ZBTB7C: variants seen among roughly 807,000 people sequenced by gnomAD.
ZBTB7C encodes zinc finger and BTB domain-containing protein 7C.
In ZBTB7C, 8 loss-of-function variants were observed where a neutral mutation model predicts 25.7. The observed-to-expected ratio is 0.31, with a 90% CI of 0.18 to 0.56. The LOEUF is 0.56. ZBTB7C is among the 20% of genes least tolerant of loss of function. ZBTB7C has a pLI of 0.91. For missense variants in ZBTB7C, 824 were observed against 855.2 expected (o/e 0.96, Z 0.46); for synonymous variants, 394 against 369.0 (o/e 1.07, Z -0.78).
intron 2 of ZBTB7C, among the ~76,000 whole-genome samples, chr18:48,283,403 C>T (rs2044933848): frequency 6.6e-6 from 1 of 152,130 alleles, no homozygotes; most frequent in African/African-American, 2.4e-5. Context: ...ATAGACATCA[C>T]TTTTACTATG....
intron 1 of ZBTB7C, among the ~76,000 whole-genome samples, chr18:48,351,798 TC>T (rs1259429028): frequency 6.6e-6 from 1 of 152,140 alleles, no homozygotes; most frequent in African/African-American, 2.4e-5. Flanking sequence ...GAGTGCTCGT[TC>T]CCTCACCAAC....
chr18:48,388,851 G>C (rs1357089795), intron 1 of ZBTB7C, among the ~76,000 whole-genome samples: 1 of 152,228 alleles, frequency 6.6e-6, no homozygotes, highest in Non-Finnish European at 1.5e-5. Context: ...GAAGTAATTG[G>C]TAGTACATGG....
chr18:48,334,870 G>A (rs2046424555), intron 2 of ZBTB7C, among the ~76,000 whole-genome samples: 1 of 152,194 alleles, frequency 6.6e-6, no homozygotes, highest in Admixed American at 6.5e-5. Context: ...GGATCCCTGG[G>A]TTGGATCCCA....
intron 2 of ZBTB7C, among the ~76,000 whole-genome samples, chr18:48,238,655 C>CT (rs56053243): frequency 0.052 from 7,848 of 152,282 alleles, 278 homozygotes; most frequent in Non-Finnish European, 0.077. Flanking sequence ...CCATTTCTGA[C>CT]TTTATCTTAC....
chr18:48,137,194 C>G (rs967309054), intron 3 of ZBTB7C: 3 of 985,430 alleles, frequency 3.0e-6, no homozygotes, highest in Non-Finnish European at 3.6e-6. Context: ...ACTCCCTCCC[C>G]ACCCTCCAAC....
intron 3 of ZBTB7C, among the ~76,000 whole-genome samples, chr18:48,133,808 C>T (rs1483450795): frequency 6.6e-6 from 1 of 152,112 alleles, no homozygotes; most frequent in African/African-American, 2.4e-5. Context: ...ACCCGATTCC[C>T]CTCCCTCTAT....
At chr18:48,106,328 A>G (rs1214410541) in intron 3 of ZBTB7C, among the ~76,000 whole-genome samples, 1 of 149,802 alleles carries the variant, frequency 6.7e-6, no homozygotes, top group East Asian at 2.0e-4. Context: ...GGGAATGTGC[A>G]TTTCCAAAAG....
At chr18:48,199,637 C>G (rs2042391380) in intron 2 of ZBTB7C, among the ~76,000 whole-genome samples, 1 of 151,800 alleles carries the variant, frequency 6.6e-6, no homozygotes, top group Non-Finnish European at 1.5e-5. Context: ...TTTCCTCCCC[C>G]TCCTTCTCCC....
chr18:48,276,407 G>A (rs1283452239), intron 2 of ZBTB7C, among the ~76,000 whole-genome samples: 10 of 145,230 alleles, frequency 6.9e-5, no homozygotes, highest in African/African-American at 1.3e-4. Context: ...CCACTAACTC[G>A]TCATCTAGCA....
rs1354798130 is a variant in ZBTB7C at position 48,028,463 on chromosome 18, G to C, written c.*797C>G. The C allele has an allele frequency of 1.3e-5, 2 of 152,206 alleles. No homozygotes were observed. The highest frequency in any genetic ancestry group is 2.9e-5 in the Non-Finnish European group (2 of 68,046). 9.4% of individuals were successfully genotyped at this position (152,206 alleles called of 1,614,324 possible). On this transcript the variant is annotated 3_prime_UTR_variant, in exon 5 of 5. Transcript: ENST00000590800. ...ATGCTAATATGCTAATATAGAGCTG[G>C]ATGTGATAAAACTAAGTCCAGAAAG...
At chr18:48,197,233 C>T (rs41446546) in intron 2 of ZBTB7C, among the ~76,000 whole-genome samples, 3,763 of 152,070 alleles carry the variant, frequency 0.025, 70 homozygotes, top group Non-Finnish European at 0.035. Flanking sequence ...GATCAAACTG[C>T]TCCTGAAGAT....
intron 1 of ZBTB7C, among the ~76,000 whole-genome samples, chr18:48,360,565 CAG>C (rs1341666724): frequency 6.6e-6 from 1 of 152,152 alleles, no homozygotes; most frequent in Non-Finnish European, 1.5e-5. Context: ...CCCAGGAGGA[CAG>C]AAGGAGCCAG....
At chr18:48,195,650 GT>G (rs199685411) in intron 2 of ZBTB7C, among the ~76,000 whole-genome samples, 35 of 151,626 alleles carry the variant, frequency 2.3e-4, no homozygotes, top group East Asian at 7.7e-4. Flanking sequence ...CCAGTTTTCA[GT>G]TTTTTTTTCC....
intron 2 of ZBTB7C, among the ~76,000 whole-genome samples, chr18:48,337,279 C>T (rs544729181): frequency 6.6e-6 from 1 of 152,312 alleles, no homozygotes; most frequent in East Asian, 1.9e-4. Flanking sequence ...TCCCAAGGCC[C>T]CAAGCTATTT....
intron 2 of ZBTB7C, among the ~76,000 whole-genome samples, chr18:48,195,350 T>G (rs2042293378): frequency 6.6e-6 from 1 of 152,188 alleles, no homozygotes. Context: ...GGGAGGTAAT[T>G]GAATCATGGG....
intron 2 of ZBTB7C, among the ~76,000 whole-genome samples, chr18:48,242,289 C>A (rs2043551123): frequency 6.6e-6 from 1 of 152,128 alleles, no homozygotes; most frequent in South Asian, 2.1e-4. Context: ...TGGTACCAAT[C>A]CTATTGAAAC....
intron 1 of ZBTB7C, among the ~76,000 whole-genome samples, chr18:48,357,998 T>C (rs2047015297): frequency 6.6e-6 from 1 of 152,146 alleles, no homozygotes; most frequent in Non-Finnish European, 1.5e-5. Flanking sequence ...CTTAGTGCCA[T>C]CCCCTTGGTG....
intron 3 of ZBTB7C, among the ~76,000 whole-genome samples, chr18:48,042,066 A>G (rs2036270834): frequency 6.6e-6 from 1 of 152,236 alleles, no homozygotes; most frequent in Admixed American, 6.5e-5. Flanking sequence ...CAGGAAGCAC[A>G]GCTCACAGCC....
chr18:48,117,920 A>G (rs2039496004), intron 3 of ZBTB7C, among the ~76,000 whole-genome samples: 1 of 151,814 alleles, frequency 6.6e-6, no homozygotes, highest in Non-Finnish European at 1.5e-5. Flanking sequence ...GAAATTGATG[A>G]GTTAAAAAAA....
Sources: allele counts gnomAD v4.1 joint callset (sites outside exome capture counted in the v4.1 genomes callset), GRCh38; gene constraint gnomAD v4.1.1; transcripts MANE v1.5; gene names NCBI Gene and HGNC (gene_info 2026-07-23, HGNC 2026-07-21).